CRACD: variants seen among roughly 807,000 people sequenced by gnomAD.
The protein encoded by CRACD is capping protein-inhibiting regulator of actin dynamics.
Under a neutral mutation model 106.8 loss-of-function variants are expected in CRACD, and 56 were observed. The observed-to-expected ratio is 0.52, with a 90% CI of 0.42 to 0.66. The LOEUF (loss-of-function observed/expected upper bound fraction) is 0.66. CRACD is among the 30% of genes least tolerant of loss of function. The pLI is 0.00. For synonymous variants in CRACD, 754 were observed against 670.8 expected (o/e 1.12, Z -1.92); for missense variants, 1,730 against 1,623.2 (o/e 1.07, Z -1.13).
intron 2 of CRACD, among the ~76,000 whole-genome samples, chr4:56,224,687 G>A (rs141938770): frequency 0.017 from 2,578 of 152,292 alleles, 68 homozygotes; most frequent in African/African-American, 0.058. Flanking sequence ...CCTCTATATT[G>A]TATAGTCTTA....
At chr4:56,222,270 T>C (rs916939210) in intron 2 of CRACD, among the ~76,000 whole-genome samples, 4 of 152,228 alleles carry the variant, frequency 2.6e-5, no homozygotes, top group African/African-American at 9.7e-5. Context: ...AGGCTGTTAT[T>C]TTAATTGAAA....
chr4:56,311,269 CCATTGAGGACCTTTCATCTG>C (rs1204956035), intron 6 of CRACD: 5 of 155,520 alleles, frequency 3.2e-5, no homozygotes, highest in African/African-American at 1.2e-4. Context: ...CCGATCTGCC[CCATTGAGGACCTTTCATCTG>C]CACAAGGGGC....
intron 1 of CRACD, among the ~76,000 whole-genome samples, chr4:56,133,632 A>G (rs755589809): frequency 7.9e-5 from 12 of 152,224 alleles, no homozygotes; most frequent in Non-Finnish European, 1.6e-4. Flanking sequence ...CGAACCTACA[A>G]TCTGCATGAA....
chr4:56,131,395 A>T (rs1423293209), intron 1 of CRACD, among the ~76,000 whole-genome samples: 1 of 152,204 alleles, frequency 6.6e-6, no homozygotes. Flanking sequence ...TTCCAGTGAG[A>T]GCCAGAGATT....
intron 2 of CRACD, among the ~76,000 whole-genome samples, chr4:56,248,613 T>C (rs1289402137): frequency 6.6e-6 from 1 of 151,744 alleles, no homozygotes; most frequent in African/African-American, 2.4e-5. Flanking sequence ...TTAGGGTACA[T>C]GTGCACATTG....
At position 56,091,414 on chromosome 4, in the gene CRACD, A is replaced by T. The variant is rs561193094; in HGVS notation, c.-336+42115A>T. ...CATATGTAACAGGGGGACCTCACCT[A>T]AATTAAGGAATCAGGGAACACCACT... On this transcript the variant is annotated intron_variant, in intron 1 of 10. Coordinates refer to ENST00000682029, the MANE Select transcript of CRACD (RefSeq NM_001393381.1). 1.4e-4 allele frequency among the ~76,000 whole-genome samples: 22 copies of T among 151,930 alleles called. 1 individual carries two copies. In the South Asian group the frequency reaches 4.4e-3, roughly 30 times the overall value.
chr4:56,112,057 A>G (rs1248302337), intron 1 of CRACD, among the ~76,000 whole-genome samples: 2 of 152,218 alleles, frequency 1.3e-5, no homozygotes, highest in Non-Finnish European at 2.9e-5. Context: ...CCTAAACAAT[A>G]CTGCTTGAAA....
intron 1 of CRACD, among the ~76,000 whole-genome samples, chr4:56,071,022 T>G (rs1000307107): frequency 6.6e-6 from 1 of 152,128 alleles, no homozygotes; most frequent in African/African-American, 2.4e-5. Context: ...TCTTTGACAT[T>G]TTGCCATCAT....
intron 2 of CRACD, among the ~76,000 whole-genome samples, chr4:56,207,394 T>C (rs766143509): frequency 2.6e-5 from 4 of 152,182 alleles, no homozygotes; most frequent in Non-Finnish European, 5.9e-5. Flanking sequence ...AGACCTAACA[T>C]GTGCTGCCTA....
chr4:56,294,425 T>C (rs1743872304), intron 3 of CRACD, among the ~76,000 whole-genome samples: 1 of 152,102 alleles, frequency 6.6e-6, no homozygotes, highest in African/African-American at 2.4e-5. Flanking sequence ...TATCAAAATA[T>C]GTACAAGACC....
intron 9 of CRACD, 85 bp from the exon 10 acceptor site, chr4:56,324,019 G>A: frequency 1.4e-6 from 2 of 1,437,224 alleles, no homozygotes; most frequent in Non-Finnish European, 1.9e-6. Context: ...GGGCTGGCAG[G>A]CAGAGGCCCC....
intron 2 of CRACD, among the ~76,000 whole-genome samples, chr4:56,220,351 C>T (rs1002304956): frequency 1.3e-5 from 2 of 152,178 alleles, no homozygotes; most frequent in Admixed American, 1.3e-4. Flanking sequence ...TGTTGCCTCT[C>T]CCTAAATAAG....
intron 2 of CRACD, among the ~76,000 whole-genome samples, chr4:56,197,408 A>G (rs1458936778): frequency 1.3e-5 from 2 of 152,178 alleles, no homozygotes; most frequent in African/African-American, 4.8e-5. Flanking sequence ...TTTAGATGTT[A>G]CACACTTTTC....
rs1380120787 is a variant in CRACD at position 56,314,466 on chromosome 4, C to T, written c.964C>T (p.Arg322Cys). 6.5e-7 allele frequency: 1 copy of T among 1,532,472 alleles called. No homozygotes were observed. The highest frequency in any genetic ancestry group is 2.0e-5 in the Admixed American group (1 of 48,990). 94.9% of individuals were successfully genotyped at this position (1,532,472 alleles called of 1,614,324 possible). A position where few individuals can be genotyped will look rare whatever the true frequency, so the allele number is the denominator to read the frequency against. Residue 322 changes from arginine to cysteine, a missense_variant, in exon 8 of 11, where the codon CGT becomes TGT. Arg to Cys is a radical substitution (Grantham distance 180). Around this residue, in one of 5 missense-constraint regions of CRACD, gnomAD observed 1,620 missense variants for 1,481.6 expected, o/e 1.09. Transcript: ENST00000682029. The surrounding 1 kb of genome is among the most constrained non-coding windows in gnomAD (Gnocchi z 4.4). ...CCTGGAGGCGGAGGAGGAGCGAAGG[C>T]GTCTGCAGGCCCAGGCCCAAGCGGA... ...ERLEAEEERR[R>C]LQAQAQAEER...
chr4:56,127,645 G>C (rs1734702370), intron 1 of CRACD, among the ~76,000 whole-genome samples: 1 of 152,192 alleles, frequency 6.6e-6, no homozygotes, highest in African/African-American at 2.4e-5. Flanking sequence ...CTGTGAACAA[G>C]AGCATCCTCT....
chr4:56,104,706 G>A (rs1156860418), intron 1 of CRACD, among the ~76,000 whole-genome samples: 4 of 152,154 alleles, frequency 2.6e-5, no homozygotes, highest in South Asian at 2.1e-4. Context: ...CGTGGCTCAC[G>A]CCTGTAATCC....
intron 1 of CRACD, among the ~76,000 whole-genome samples, chr4:56,134,829 A>C (rs923787539): frequency 3.3e-5 from 5 of 152,192 alleles, no homozygotes; most frequent in African/African-American, 1.2e-4. Context: ...TCAGGGAAGA[A>C]GGGAGATGAG....
intron 1 of CRACD, among the ~76,000 whole-genome samples, chr4:56,151,144 A>G (rs1735568204): frequency 2.0e-5 from 3 of 152,078 alleles, no homozygotes; most frequent in Non-Finnish European, 2.9e-5. Flanking sequence ...CAAAAGGCGC[A>G]TGCCACCAAG....
intron 1 of CRACD, among the ~76,000 whole-genome samples, chr4:56,127,125 C>G (rs1734685704): frequency 6.6e-6 from 1 of 152,188 alleles, no homozygotes; most frequent in Non-Finnish European, 1.5e-5. Context: ...AATAAGCTCT[C>G]TCTTGCCCTT....
Sources: gnomAD v4.1 joint callset for allele counts (sites outside exome capture counted in the v4.1 genomes callset) on GRCh38, gnomAD v4.1.1 for gene constraint, gnomAD v4.1.1 regional missense constraint, Gnocchi (gnomAD v3.1) non-coding constraint, MANE v1.5 for transcripts, NCBI Gene and HGNC (gene_info 2026-07-23, HGNC 2026-07-21) for gene names.